The following NCKAP5 variants were observed in gnomAD, a reference collection of about 807,000 sequenced individuals.
NCKAP5 encodes the protein nck-associated protein 5.
Under a neutral mutation model 167.0 loss-of-function variants are expected in NCKAP5, and 92 were observed. That is an observed-to-expected ratio of 0.55 (90% CI 0.47 to 0.66). The LOEUF (loss-of-function observed/expected upper bound fraction) is 0.66. Ranked by LOEUF, NCKAP5 falls within the 30% of genes least tolerant of loss-of-function variation. NCKAP5 has a pLI of 0.00. For synonymous variants in NCKAP5, 891 were observed against 877.4 expected (o/e 1.02, Z -0.27); for missense variants, 2,378 against 2,315.0 (o/e 1.03, Z -0.56).
At chr2:133,152,271 T>C (rs1056798451) in intron 5 of NCKAP5, among the ~76,000 whole-genome samples, 4 of 152,144 alleles carry the variant, frequency 2.6e-5, no homozygotes, top group African/African-American at 7.2e-5. Flanking sequence ...GCCAGAGGAA[T>C]GTGAGCTTTA....
At chr2:133,221,693 G>C (rs2086669285) in intron 4 of NCKAP5, among the ~76,000 whole-genome samples, 1 of 152,144 alleles carries the variant, frequency 6.6e-6, no homozygotes, top group Non-Finnish European at 1.5e-5. Flanking sequence ...TTTATCAAAA[G>C]ATCAAATCTG....
chr2:133,005,948 G>A (rs924165416), intron 6 of NCKAP5, among the ~76,000 whole-genome samples: 1 of 152,040 alleles, frequency 6.6e-6, no homozygotes, highest in African/African-American at 2.4e-5. Context: ...ATAAAATATG[G>A]CCTGGACAAT....
chr2:133,410,357 G>C (rs77774881), intron 3 of NCKAP5, among the ~76,000 whole-genome samples: 1 of 152,062 alleles, frequency 6.6e-6, no homozygotes, highest in Admixed American at 6.5e-5. Context: ...TTCATCACGC[G>C]GTTTTCATAG....
chr2:132,743,613 A>C (rs1450447979), intron 16 of NCKAP5, among the ~76,000 whole-genome samples: 1 of 151,794 alleles, frequency 6.6e-6, no homozygotes, highest in Non-Finnish European at 1.5e-5. Flanking sequence ...AAAGGTAGAA[A>C]AGGAGGAAAA....
chr2:132,932,873 G>A (rs1696502709), intron 8 of NCKAP5, among the ~76,000 whole-genome samples: 4 of 150,932 alleles, frequency 2.7e-5, no homozygotes, highest in African/African-American at 7.3e-5. Flanking sequence ...GTAAACAGGC[G>A]TAGTTCAATA....
intron 2 of NCKAP5, among the ~76,000 whole-genome samples, chr2:133,520,783 A>T (rs191857152): frequency 6.6e-6 from 1 of 152,344 alleles, no homozygotes; most frequent in African/African-American, 2.4e-5. Flanking sequence ...AATGGTACCA[A>T]TAATATAGGC....
intron 5 of NCKAP5, among the ~76,000 whole-genome samples, chr2:133,209,356 C>A (rs2086104898): frequency 1.4e-5 from 2 of 147,428 alleles, no homozygotes; most frequent in Admixed American, 1.4e-4. Context: ...AAATTAAGAA[C>A]AAAGAAAACA....
the NCKAP5 span, among the ~76,000 whole-genome samples, chr2:133,580,704 G>T: frequency 6.6e-6 from 1 of 152,204 alleles, no homozygotes; most frequent in Non-Finnish European, 1.5e-5. Flanking sequence ...GAGTACCCTA[G>T]AAGACGCAGT....
chr2:133,029,284 G>T (rs1419605641), intron 6 of NCKAP5, among the ~76,000 whole-genome samples: 1 of 152,060 alleles, frequency 6.6e-6, no homozygotes, highest in Non-Finnish European at 1.5e-5. Context: ...ATATCACTGT[G>T]GTAAGTAAGT....
Position 133,065,333 on chromosome 2 carries a change from A to G in NCKAP5, c.341+64645T>C, listed in dbSNP as rs895765722. Among the ~76,000 whole-genome samples, 3 of 152,248 alleles carry G rather than the reference A, an allele frequency of 2.0e-5. No individual in the cohort carries two copies. The East Asian group carries it at 5.8e-4, about 29-fold the overall frequency. On this transcript the variant is annotated intron_variant, in intron 6 of 19. Transcript: ENST00000409261. ...GCCATTTCTATAGTTTTCCTCTTCA[A>G]TAAAAATTGTTGGCCAGGCATGGTG... is the stretch of plus-strand genomic sequence containing the variant.
intron 3 of NCKAP5, among the ~76,000 whole-genome samples, chr2:133,330,120 G>T (rs1682742584): frequency 7.3e-6 from 1 of 136,958 alleles, no homozygotes; most frequent in Admixed American, 7.9e-5. Context: ...AGGCTGGAGA[G>T]CAGTGGTGCA....
chr2:132,983,701 G>A (rs2077204455), intron 7 of NCKAP5, among the ~76,000 whole-genome samples: 1 of 152,166 alleles, frequency 6.6e-6, no homozygotes, highest in African/African-American at 2.4e-5. Context: ...AGACTGACAT[G>A]GGAGTCGGGA....
chr2:132,723,362 C>T (rs1690138737), intron 19 of NCKAP5, among the ~76,000 whole-genome samples: 2 of 151,438 alleles, frequency 1.3e-5, no homozygotes, highest in Admixed American at 1.3e-4. Flanking sequence ...CGGGGTTTCA[C>T]CGTGTTAGCC....
At chr2:132,963,220 A>G (rs770596763) in intron 8 of NCKAP5, among the ~76,000 whole-genome samples, 7 of 152,178 alleles carry the variant, frequency 4.6e-5, no homozygotes, top group Non-Finnish European at 1.0e-4. Context: ...AATCTCCTTA[A>G]GTCTCCTTAG....
chr2:133,441,235 G>A (rs1690838684), intron 3 of NCKAP5, among the ~76,000 whole-genome samples: 1 of 152,186 alleles, frequency 6.6e-6, no homozygotes, highest in African/African-American at 2.4e-5. Context: ...CATAAGGAGA[G>A]AAGAAGCTGG....
At chr2:133,027,442 A>G (rs1371206316) in intron 6 of NCKAP5, among the ~76,000 whole-genome samples, 1 of 152,210 alleles carries the variant, frequency 6.6e-6, no homozygotes, top group East Asian at 1.9e-4. Context: ...TGTAGTTATC[A>G]TACTTCTCCC....
chr2:133,132,050 G>A (rs1293030431), intron 5 of NCKAP5, among the ~76,000 whole-genome samples: 2 of 152,066 alleles, frequency 1.3e-5, no homozygotes, highest in African/African-American at 4.8e-5. Flanking sequence ...AGCACTTTGG[G>A]AGGCTGACAC....
At chr2:133,129,697 G>T (rs2082531740) in intron 6 of NCKAP5, among the ~76,000 whole-genome samples, 1 of 152,182 alleles carries the variant, frequency 6.6e-6, no homozygotes, top group Non-Finnish European at 1.5e-5. Context: ...AAGCCTACTG[G>T]CTGCAAAGCC....
chr2:133,433,160 C>A (rs1294345065), intron 3 of NCKAP5, among the ~76,000 whole-genome samples: 2 of 152,142 alleles, frequency 1.3e-5, no homozygotes, highest in Non-Finnish European at 2.9e-5. Flanking sequence ...GAAATATTAC[C>A]TAAATATCTG....
Sources: allele counts gnomAD v4.1 joint callset (sites outside exome capture counted in the v4.1 genomes callset), GRCh38; gene constraint gnomAD v4.1.1; transcripts MANE v1.5; gene names NCBI Gene and HGNC (gene_info 2026-07-23, HGNC 2026-07-21).